NRDE2: variants seen among roughly 807,000 people sequenced by gnomAD.
The protein encoded by NRDE2 is nuclear exosome regulator NRDE2.
Under a neutral mutation model 124.2 loss-of-function variants are expected in NRDE2, and 76 were observed. The observed-to-expected ratio is 0.61, with a 90% CI of 0.51 to 0.74. NRDE2 has a LOEUF of 0.74. Among genes scored for constraint, NRDE2 ranks in the 30% least tolerant of loss-of-function variants. The pLI, the probability that NRDE2 is intolerant of heterozygous loss-of-function variation, is 0.00. For synonymous variants in NRDE2, 489 were observed against 528.1 expected, an observed-to-expected ratio of 0.93 and a Z score of 1.01; for missense variants, 1,314 against 1,417.3, an observed-to-expected ratio of 0.93 and a Z score of 1.17.
intron 8 of NRDE2, among the ~76,000 whole-genome samples, chr14:90,297,218 TCAAAGAGTA>T (rs1442150129): frequency 1.3e-5 from 2 of 152,054 alleles, no homozygotes; most frequent in Admixed American, 1.3e-4. Flanking sequence ...ACACCAGATT[TCAAAGAGTA>T]CTAAAAAAAG....
At chr14:90,279,438 G>A (rs1049886606) in intron 12 of NRDE2, 11 of 288,408 alleles carry the variant, frequency 3.8e-5, no homozygotes, top group African/African-American at 1.9e-4. Context: ...CTGGGTGTTA[G>A]TAACAGTGCT....
At chr14:90,323,297 T>G (rs893502980) in intron 1 of NRDE2, among the ~76,000 whole-genome samples, 1 of 152,230 alleles carries the variant, frequency 6.6e-6, no homozygotes, top group African/African-American at 2.4e-5. Flanking sequence ...CTAGTAAAAA[T>G]GCTTTAATTT....
intron 12 of NRDE2, chr14:90,279,388 TA>T (rs1405032019): frequency 2.4e-6 from 1 of 416,854 alleles, no homozygotes; most frequent in Non-Finnish European, 4.3e-6. Context: ...ACTGACTTTT[TA>T]AAGTCTCAGA....
chr14:90,290,991 A>C (rs529721037), intron 9 of NRDE2, among the ~76,000 whole-genome samples: 1 of 152,222 alleles, frequency 6.6e-6, no homozygotes, highest in Non-Finnish European at 1.5e-5. Flanking sequence ...GATGGTGAAA[A>C]ATTTGTATTG....
At chr14:90,301,097 A>T (rs185688441) in intron 7 of NRDE2, 142 bp downstream of exon 7, 1 of 783,412 alleles carries the variant, frequency 1.3e-6, no homozygotes, top group East Asian at 2.6e-5. Context: ...CAGCAGACTG[A>T]TATAAAGGAG....
chr14:90,303,450 T>C (rs982820776), intron 5 of NRDE2, among the ~76,000 whole-genome samples: 1 of 152,212 alleles, frequency 6.6e-6, no homozygotes, highest in Non-Finnish European at 1.5e-5. Flanking sequence ...ATATGGTAAT[T>C]GTATGAGTGG....
At chr14:90,303,792 AG>A in intron 5 of NRDE2, 142 bp downstream of exon 5, 1 of 729,458 alleles carries the variant, frequency 1.4e-6, no homozygotes, top group East Asian at 2.6e-5. Flanking sequence ...GAGCGAGCTC[AG>A]GGCAAAGGCT....
chr14:90,314,640 G>T (rs1233353106), intron 3 of NRDE2, among the ~76,000 whole-genome samples: 1 of 152,154 alleles, frequency 6.6e-6, no homozygotes, highest in African/African-American at 2.4e-5. Context: ...TGAGTTTTGG[G>T]AAGACGTAAC....
intron 5 of NRDE2, 37 bp from the exon 6 acceptor site, chr14:90,303,162 G>A: frequency 2.6e-6 from 4 of 1,567,162 alleles, no homozygotes; most frequent in Non-Finnish European, 2.6e-6. Flanking sequence ...AATGCAAATG[G>A]ACCTGGGAGA....
intron 8 of NRDE2, among the ~76,000 whole-genome samples, chr14:90,296,908 G>A (rs937670653): frequency 4.6e-5 from 7 of 152,210 alleles, no homozygotes; most frequent in African/African-American, 1.7e-4. Context: ...GGAGGTAGAG[G>A]TGGGCGGATT....
In NRDE2 at chr14:90,271,444, T is replaced by G. The variant is rs144293259; in HGVS notation, c.*6892A>C. 1 of 152,236 alleles carries G rather than the reference T, an allele frequency of 6.6e-6. No homozygotes were observed. The highest frequency in any genetic ancestry group is 2.4e-5 in the African/African-American group (1 of 41,468). The allele number at this position is 152,236 out of a possible 1,614,324, so 9.4% of individuals were successfully genotyped here. ...ACCCATGTAACATGGGTTATTGTTT[T>G]CTTTTACTTTGGGCCAGTAATTACT... On this transcript the variant is annotated 3_prime_UTR_variant, in exon 14 of 14. Coordinates refer to ENST00000354366, the MANE Select transcript of NRDE2 (RefSeq NM_017970.4).
chr14:90,320,781 T>A (rs1401985374), intron 1 of NRDE2, among the ~76,000 whole-genome samples: 1 of 152,212 alleles, frequency 6.6e-6, no homozygotes, highest in Non-Finnish European at 1.5e-5. Flanking sequence ...AGAACTTACA[T>A]CCTTTTCATC....
intron 1 of NRDE2, among the ~76,000 whole-genome samples, chr14:90,325,157 T>TC (rs1408035644): frequency 2.6e-5 from 4 of 151,928 alleles, no homozygotes; most frequent in African/African-American, 9.7e-5. Flanking sequence ...GTGCCATTTT[T>TC]TGATTTGTGG....
chr14:90,299,139 C>T lies in NRDE2; in HGVS notation c.1546-759G>A, dbSNP rs146628424. 5.6e-3 allele frequency among the ~76,000 whole-genome samples: 845 copies of T among 152,196 alleles called. 7 individuals are homozygous for T. Among genetic ancestry groups the T allele is most frequent in the African/African-American group, 0.02 (814 of 41,524 alleles). ...TGGCTCACTGCAACCTCCACCTCCC[C>T]GGGCTCAAGCAATTCTCCTACCTCA... On this transcript the variant is annotated intron_variant, in intron 7 of 13. Transcript: ENST00000354366.
In NRDE2 at chr14:90,315,348, G is replaced by A. The variant is rs1240585116; in HGVS notation, c.407+1230C>T. ...ATCGTACCACTGCACTCCAGCCTGG[G>A]TGATAGAATGAGACTCTGTCTAAAA... On this transcript the variant is annotated intron_variant, in intron 3 of 13. Coordinates refer to ENST00000354366, the MANE Select transcript of NRDE2 (RefSeq NM_017970.4). Among the ~76,000 whole-genome samples the A allele has an allele frequency of 2.0e-5, 3 of 152,008 alleles. No homozygotes were observed. The East Asian group carries it at 5.8e-4, about 29-fold the overall frequency.
In NRDE2 at chr14:90,316,508, T is replaced by A. The variant is rs144170194; in HGVS notation, c.407+70A>T. On this transcript the variant is annotated intron_variant, in intron 3 of 13. Transcript: ENST00000354366. ...CTAAATGGTTATTCAAATATCTAAT[T>A]TGCGGCAACAATTAAGGGAGAAAAA... 17 of 1,046,448 alleles carry A rather than the reference T, an allele frequency of 1.6e-5. No homozygotes were observed. In the African/African-American group the frequency reaches 2.6e-4, roughly 16 times the overall value. The allele number at this position is 1,046,448 out of a possible 1,614,324, so 64.8% of individuals were successfully genotyped here.
chr14:90,272,125 C>T lies in NRDE2; in HGVS notation c.*6211G>A. 1 of 745,048 alleles carries T rather than the reference C, an allele frequency of 1.3e-6. No homozygotes were observed. The highest frequency in any genetic ancestry group is 2.1e-6 in the Non-Finnish European group (1 of 473,206). The allele number at this position is 745,048 out of a possible 1,614,324, so 46.2% of individuals were successfully genotyped here. A position where few individuals can be genotyped will look rare whatever the true frequency, so the allele number is the denominator to read the frequency against. ...GCCAGGCTGGTCTTGAACTCCTGACCTTAGGCGATCCACCTGCCTCGGCCT... is the reference window on the plus strand; with the variant it reads ...GCCAGGCTGGTCTTGAACTCCTGACTTTAGGCGATCCACCTGCCTCGGCCT... On this transcript the variant is annotated 3_prime_UTR_variant, in exon 14 of 14. Coordinates refer to ENST00000354366, the MANE Select transcript of NRDE2 (RefSeq NM_017970.4). This position sits in a 1 kb window ranked among gnomAD's most constrained non-coding sequence, Gnocchi z 4.5.
At chr14:90,317,961 G>A (rs754043088) in intron 2 of NRDE2, 44 bp downstream of exon 2, 2 of 1,467,592 alleles carry the variant, frequency 1.4e-6, no homozygotes, top group South Asian at 1.2e-5. Flanking sequence ...GCTATAGACA[G>A]TAAACTGACA....
At position 90,288,961 on chromosome 14, in the gene NRDE2, G is replaced by A; in HGVS notation, c.2414C>T (p.Thr805Ile). 3 of 1,612,270 alleles carry A rather than the reference G, an allele frequency of 1.9e-6. No homozygotes were observed. Among genetic ancestry groups the A allele is most frequent in the Non-Finnish European group, 2.5e-6 (3 of 1,178,396 alleles). ...TCTGCTTCCTGCCATGCCAAGTGCT[G>A]TGTCAAAAACTTTTCTGGCATCCTC... is the stretch of plus-strand genomic sequence containing the variant. ...NTEDARKVFD[T>I]ALGMAGSREL... The change falls in exon 11 of 14, where the codon ACA becomes ATA. Residue 805 changes from threonine (T) to isoleucine (I), a missense_variant. Physicochemically the swap from Thr to Ile is moderately conservative, Grantham distance 89. Transcript: ENST00000354366.
Sources: allele counts gnomAD v4.1 joint callset (sites outside exome capture counted in the v4.1 genomes callset), GRCh38; gene constraint gnomAD v4.1.1; non-coding constraint Gnocchi (gnomAD v3.1); transcripts MANE v1.5; gene names NCBI Gene and HGNC (gene_info 2026-07-23, HGNC 2026-07-21).